The following RORA variants were observed in gnomAD, a reference collection of about 807,000 sequenced individuals.
RORA encodes the protein nuclear receptor ROR-alpha.
In RORA, 7 loss-of-function variants were observed where a neutral mutation model predicts 69.5. That is an observed-to-expected ratio of 0.10 (90% CI 0.06 to 0.19). The LOEUF is 0.19. Among genes scored for constraint, RORA ranks in the 10% least tolerant of loss-of-function variants. RORA has a pLI of 1.00. For missense variants in RORA, 457 were observed against 663.0 expected, an observed-to-expected ratio of 0.69 and a Z score of 3.41; for synonymous variants, 261 against 240.8, an observed-to-expected ratio of 1.08 and a Z score of -0.78.
intron 1 of RORA, among the ~76,000 whole-genome samples, chr15:61,072,292 T>C (rs146573739): frequency 2.1e-4 from 32 of 152,280 alleles, no homozygotes; most frequent in South Asian, 6.2e-4. Context: ...TCAATGGACA[T>C]TGGCATTGAT....
chr15:61,222,288 G>A (rs1487492772), intron 1 of RORA, among the ~76,000 whole-genome samples: 1 of 152,120 alleles, frequency 6.6e-6, no homozygotes, highest in Non-Finnish European at 1.5e-5. Flanking sequence ...CCATGCCACT[G>A]TTAATGTGCC....
chr15:60,738,674 G>C lies in RORA; in HGVS notation c.167-59988C>G, dbSNP rs1337198393. ...AAGAAATGAAAATTAAAATAGTTTT[G>C]TTGGTCCCTAAAAGTCCTGTGGGCC... On this transcript the variant is annotated intron_variant, in intron 1 of 10. Transcript: ENST00000335670. Among the ~76,000 whole-genome samples, 3 of 152,118 alleles carry C rather than the reference G, an allele frequency of 2.0e-5. No individual in the cohort carries two copies. The East Asian group carries it at 5.8e-4, about 29-fold the overall frequency.
rs900308597 is a variant in RORA at position 60,991,536 on chromosome 15, T to TA, written c.166+237516dup. ...TAACAATAATTCTAAGAGTTTTTGTTAAAAAAATGGCTCAAAAGATGAAAA... is the reference window on the plus strand; with the variant it reads ...TAACAATAATTCTAAGAGTTTTTGTTAAAAAAAATGGCTCAAAAGATGAAAA... On this transcript the variant is annotated intron_variant, in intron 1 of 10. Transcript: ENST00000335670. Among the ~76,000 whole-genome samples, 15 of 141,540 alleles carry TA rather than the reference T, an allele frequency of 1.1e-4. No homozygotes were observed. The South Asian group carries it at 1.6e-3, about 16-fold the overall frequency. The allele number at this position is 141,540 out of a possible 152,430, so 92.9% of individuals were successfully genotyped here.
At chr15:61,225,481 A>C (rs1048223395) in intron 1 of RORA, among the ~76,000 whole-genome samples, 1 of 152,262 alleles carries the variant, frequency 6.6e-6, no homozygotes, top group Non-Finnish European at 1.5e-5. Context: ...TCAGGGCTAC[A>C]CATAAACTAC....
intron 1 of RORA, among the ~76,000 whole-genome samples, chr15:61,227,882 C>T (rs755594617): frequency 1.5e-4 from 23 of 152,224 alleles, no homozygotes; most frequent in Non-Finnish European, 2.8e-4. Context: ...TCCTCCTGTT[C>T]TTTGCAAACT....
chr15:60,849,562 A>T (rs1202848501), intron 1 of RORA, among the ~76,000 whole-genome samples: 9 of 152,222 alleles, frequency 5.9e-5, no homozygotes, highest in Admixed American at 1.3e-4. Context: ...AAACATGGCC[A>T]AAGTATGGTT....
rs182690867 is a variant in RORA at position 60,886,880 on chromosome 15, G to A, written c.167-208194C>T. On this transcript the variant is annotated intron_variant, in intron 1 of 10. Transcript: ENST00000335670. ...AGTTTGTGGCATAGACTTGGAAGAC[G>A]ACTGAGAACTTTGAAATCCCTACCC... is the stretch of plus-strand genomic sequence containing the variant. Among the ~76,000 whole-genome samples, 26 of 152,278 alleles carry A rather than the reference G, an allele frequency of 1.7e-4. No homozygotes were observed. In the East Asian group the frequency reaches 3.9e-3, roughly 23 times the overall value.
intron 1 of RORA, among the ~76,000 whole-genome samples, chr15:61,100,198 C>T (rs2140746974): frequency 6.7e-6 from 1 of 149,748 alleles, no homozygotes; most frequent in Middle Eastern, 3.4e-3. Flanking sequence ...CGGCTCACTG[C>T]AGCCTCCGCC....
At chr15:60,926,617 G>C (rs966136407) in intron 1 of RORA, among the ~76,000 whole-genome samples, 1 of 152,216 alleles carries the variant, frequency 6.6e-6, no homozygotes, top group African/African-American at 2.4e-5. Flanking sequence ...ATTTCTAGGA[G>C]ATCATTTGAG....
At chr15:60,841,198 G>A (rs2073192926) in intron 1 of RORA, 1 of 445,586 alleles carries the variant, frequency 2.2e-6, no homozygotes, top group Non-Finnish European at 3.0e-6. Flanking sequence ...CCCATAGACT[G>A]CAAACACTTC....
intron 1 of RORA, among the ~76,000 whole-genome samples, chr15:61,227,463 A>C (rs2080157767): frequency 6.7e-6 from 1 of 149,846 alleles, no homozygotes; most frequent in African/African-American, 2.5e-5. Context: ...CGCCGCGGTC[A>C]CCCTTTGGAA....
At chr15:60,648,969 C>T (rs1431411840) in intron 2 of RORA, among the ~76,000 whole-genome samples, 3 of 152,162 alleles carry the variant, frequency 2.0e-5, no homozygotes, top group Non-Finnish European at 4.4e-5. Context: ...AGAGGTTTCT[C>T]AATCTATATC....
chr15:61,211,532 A>C (rs1305881277), intron 1 of RORA, among the ~76,000 whole-genome samples: 1 of 152,198 alleles, frequency 6.6e-6, no homozygotes, highest in African/African-American at 2.4e-5. Flanking sequence ...CTTTTAATCT[A>C]CTTACCACAC....
intron 1 of RORA, among the ~76,000 whole-genome samples, chr15:60,741,210 A>G (rs541619002): frequency 6.6e-6 from 1 of 152,318 alleles, no homozygotes; most frequent in South Asian, 2.1e-4. Flanking sequence ...CTCAAATTCA[A>G]TTCCCAGCCA....
At chr15:60,725,753 C>G (rs1297954742) in intron 1 of RORA, among the ~76,000 whole-genome samples, 2 of 152,136 alleles carry the variant, frequency 1.3e-5, no homozygotes, top group Non-Finnish European at 2.9e-5. Flanking sequence ...CACTTGAGAA[C>G]TGGTTCCATG....
chr15:61,072,385 T>C (rs1478305388), intron 1 of RORA, among the ~76,000 whole-genome samples: 1 of 152,180 alleles, frequency 6.6e-6, no homozygotes, highest in African/African-American at 2.4e-5. Context: ...TGGGATAATA[T>C]CCAGAGTGAT....
intron 1 of RORA, among the ~76,000 whole-genome samples, chr15:60,913,793 T>C (rs6494231): frequency 0.49 from 75,003 of 152,086 alleles, 20,142 homozygotes; most frequent in Middle Eastern, 0.62. Flanking sequence ...TAGAGTCTAT[T>C]AAAGGGGGTC....
chr15:61,158,236 C>T (rs567570457), intron 1 of RORA, among the ~76,000 whole-genome samples: 8 of 152,266 alleles, frequency 5.3e-5, no homozygotes, highest in African/African-American at 1.4e-4. Flanking sequence ...GAGTTTTCCA[C>T]TCCTCCAGAC....
chr15:61,010,022 G>C (rs961755670), intron 1 of RORA, among the ~76,000 whole-genome samples: 1 of 152,106 alleles, frequency 6.6e-6, no homozygotes, highest in South Asian at 2.1e-4. Flanking sequence ...CAACTGTACT[G>C]CTTCATTTTT....
Sources: allele counts gnomAD v4.1 joint callset (sites outside exome capture counted in the v4.1 genomes callset), GRCh38; gene constraint gnomAD v4.1.1; transcripts MANE v1.5; gene names NCBI Gene and HGNC (gene_info 2026-07-23, HGNC 2026-07-21).